KCNMA1: variants seen among roughly 807,000 people sequenced by gnomAD.
The protein encoded by KCNMA1 is potassium calcium-activated channel subfamily M alpha 1.
A neutral mutation model predicts 140.0 loss-of-function variants in KCNMA1; 29 were observed. The observed-to-expected ratio is 0.21, with a 90% CI of 0.15 to 0.28. The LOEUF is 0.28. Ranked by LOEUF, KCNMA1 falls within the 10% of genes least tolerant of loss-of-function variation. The probability of loss-of-function intolerance (pLI) is 1.00; values close to 1 mark genes in which losing one functional copy is unlikely to be tolerated. For missense variants in KCNMA1, 880 were observed against 1,602.2 expected (o/e 0.55, Z 7.70); for synonymous variants, 612 against 611.9 (o/e 1.00, Z 0.00).
chr10:77,324,971 C>CTCTCTCTCTGTGTGTG lies in KCNMA1; in HGVS notation c.541-73716_541-73715insCACACACAGAGAGAGA, dbSNP rs766240356. Among the ~76,000 whole-genome samples, 370 of 90,384 alleles carry CTCTCTCTCTGTGTGTG rather than the reference C, an allele frequency of 4.1e-3. 3 individuals are homozygous for CTCTCTCTCTGTGTGTG. The highest frequency in any genetic ancestry group is 5.4e-3 in the Non-Finnish European group (253 of 46,670). The allele number at this position is 90,384 out of a possible 152,430, so 59.3% of individuals were successfully genotyped here. ...TCTCTCTCTCTCTCTCTCTCTCTCT[C>CTCTCTCTCTGTGTGTG]TGTGTGTGTGTGTGTGTGTGTGTGT... is the stretch of plus-strand genomic sequence containing the variant. On this transcript the variant is annotated intron_variant, in intron 2 of 27. Coordinates refer to ENST00000286628, the MANE Select transcript of KCNMA1 (RefSeq NM_001161352.2).
rs1324729391 is a variant in KCNMA1, at chr10:77,637,777, G to A, written c.-135C>T. On this transcript the variant is annotated 5_prime_UTR_variant, in exon 1 of 28. Coordinates refer to ENST00000286628, the MANE Select transcript of KCNMA1 (RefSeq NM_001161352.2). ...CGCCGCCGCGGAGCGCGGGAGGGGG[G>A]CGGGGAGGCGCCTGGGCTCGGGGCG... is the stretch of plus-strand genomic sequence containing the variant. The A allele has an allele frequency of 5.4e-6, 7 of 1,291,088 alleles. No homozygotes were observed. The Admixed American group carries it at 1.3e-4, about 23-fold the overall frequency. 80.0% of individuals were successfully genotyped at this position (1,291,088 alleles called of 1,614,324 possible). A position where few individuals can be genotyped will look rare whatever the true frequency, so the allele number is the denominator to read the frequency against.
chr10:76,996,502 A>T (rs1326787895), intron 19 of KCNMA1, among the ~76,000 whole-genome samples: 1 of 152,216 alleles, frequency 6.6e-6, no homozygotes, highest in Admixed American at 6.5e-5. Flanking sequence ...GCAATGAAGT[A>T]CAAAGGGTCA....
intron 1 of KCNMA1, among the ~76,000 whole-genome samples, chr10:77,486,422 G>A (rs2098461230): frequency 6.6e-6 from 1 of 152,168 alleles, no homozygotes; most frequent in Admixed American, 6.5e-5. Flanking sequence ...TCTTTAAAAT[G>A]GAGCCAATTA....
chr10:77,307,266 G>A (rs1417140713), intron 2 of KCNMA1, among the ~76,000 whole-genome samples: 3 of 152,102 alleles, frequency 2.0e-5, no homozygotes, highest in Admixed American at 6.5e-5. Context: ...CAAGCTCCAA[G>A]GGCATTTATA....
intron 12 of KCNMA1, among the ~76,000 whole-genome samples, chr10:77,082,477 C>T (rs576041966): frequency 6.6e-6 from 1 of 152,184 alleles, no homozygotes; most frequent in East Asian, 1.9e-4. Context: ...TAGCCCCAAA[C>T]ATCTCTGTGG....
At chr10:77,381,188 G>C (rs1027961883) in intron 2 of KCNMA1, among the ~76,000 whole-genome samples, 2 of 152,178 alleles carry the variant, frequency 1.3e-5, no homozygotes, top group African/African-American at 4.8e-5. Context: ...CCATACAGGA[G>C]TGACCCAGAC....
rs66548732 is a variant in KCNMA1, at chr10:77,376,948, AATACATAC to A, written c.540+26906_540+26913del. ...GCAAGATTCCCTCTCAAAATAAATAAATACATACATACATACATACATACATACATACA... is the reference window on the plus strand; with the variant it reads ...GCAAGATTCCCTCTCAAAATAAATAAATACATACATACATACATACATACA... On this transcript the variant is annotated intron_variant, in intron 2 of 27. Transcript: ENST00000286628. 5.9e-4 allele frequency among the ~76,000 whole-genome samples: 88 copies of A among 148,430 alleles called. No homozygotes were observed. In the South Asian group the frequency reaches 0.01, roughly 18 times the overall value.
intron 18 of KCNMA1, 45 bp downstream of exon 18, chr10:77,011,922 A>C (rs2090863628): frequency 6.6e-7 from 1 of 1,509,222 alleles, no homozygotes; most frequent in Admixed American, 1.7e-5. Context: ...AATTTGGGGA[A>C]TAGGAATGAG....
intron 19 of KCNMA1, among the ~76,000 whole-genome samples, chr10:76,971,329 C>T (rs2076021439): frequency 6.6e-6 from 1 of 152,086 alleles, no homozygotes; most frequent in African/African-American, 2.4e-5. Flanking sequence ...GCCATGTCAG[C>T]TACTTGGTAT....
chr10:77,046,987 C>T (rs939629507), intron 14 of KCNMA1, among the ~76,000 whole-genome samples: 7 of 152,170 alleles, frequency 4.6e-5, no homozygotes, highest in South Asian at 4.2e-4. Context: ...TGCATCTCAG[C>T]GCTGAACTTC....
At chr10:77,621,524 AC>A (rs201329368) in intron 1 of KCNMA1, among the ~76,000 whole-genome samples, 982 of 64,716 alleles carry the variant, frequency 0.015, 12 homozygotes, top group African/African-American at 0.078. Flanking sequence ...ACGTACATGT[AC>A]ACACACACAC....
chr10:77,515,750 T>C (rs2050163312), intron 1 of KCNMA1, among the ~76,000 whole-genome samples: 2 of 120,554 alleles, frequency 1.7e-5, no homozygotes, highest in South Asian at 5.1e-4. Context: ...CTAACTCCTC[T>C]CCTTCCTGAA....
At chr10:77,115,014 C>G (rs533205088) in intron 6 of KCNMA1, among the ~76,000 whole-genome samples, 1 of 152,312 alleles carries the variant, frequency 6.6e-6, no homozygotes, top group East Asian at 1.9e-4. Flanking sequence ...ACAGTTCTTT[C>G]CCAGTGCTCA....
intron 1 of KCNMA1, among the ~76,000 whole-genome samples, chr10:77,606,600 A>T (rs753652591): frequency 4.6e-5 from 7 of 152,170 alleles, no homozygotes; most frequent in Non-Finnish European, 1.0e-4. Flanking sequence ...ACAGAGTGAG[A>T]CTATCTCTTA....
chr10:77,424,127 T>C (rs1351844177), intron 1 of KCNMA1, among the ~76,000 whole-genome samples: 2 of 152,246 alleles, frequency 1.3e-5, no homozygotes, highest in African/African-American at 4.8e-5. Context: ...TAAAATCTAA[T>C]TTATTCTGCA....
intron 5 of KCNMA1, among the ~76,000 whole-genome samples, chr10:77,169,272 GA>G (rs1287748576): frequency 6.6e-6 from 1 of 152,176 alleles, no homozygotes; most frequent in African/African-American, 2.4e-5. Flanking sequence ...TGGCTAGAGT[GA>G]AAATGGGAGA....
At chr10:77,445,728 C>A (rs1038166746) in intron 1 of KCNMA1, among the ~76,000 whole-genome samples, 4 of 152,132 alleles carry the variant, frequency 2.6e-5, no homozygotes, top group African/African-American at 9.7e-5. Flanking sequence ...TCAGGAAACT[C>A]AATCCCACCA....
intron 1 of KCNMA1, among the ~76,000 whole-genome samples, chr10:77,613,462 G>A (rs907719576): frequency 1.3e-5 from 2 of 152,228 alleles, no homozygotes; most frequent in Non-Finnish European, 2.9e-5. Flanking sequence ...AACAAGTGAA[G>A]CAGGAAGCCT....
intron 2 of KCNMA1, among the ~76,000 whole-genome samples, chr10:77,337,824 T>C (rs983274556): frequency 1.3e-5 from 2 of 152,146 alleles, no homozygotes; most frequent in African/African-American, 4.8e-5. Context: ...TCAGCAGAAG[T>C]GGCATATGTC....
Sources: allele counts gnomAD v4.1 joint callset (sites outside exome capture counted in the v4.1 genomes callset), GRCh38; gene constraint gnomAD v4.1.1; transcripts MANE v1.5; gene names NCBI Gene and HGNC (gene_info 2026-07-23, HGNC 2026-07-21).